Variants in EYA1 observed in about 807,000 individuals in gnomAD.
EYA1 encodes the protein EYA transcriptional coactivator and phosphatase 1, also known as protein phosphatase EYA1.
EYA1 carries 16 observed loss-of-function variants against 82.0 expected under a neutral mutation model. That is an observed-to-expected ratio of 0.20 (90% CI 0.13 to 0.30). EYA1 has a LOEUF of 0.30. Among genes scored for constraint, EYA1 ranks in the 10% least tolerant of loss-of-function variants. The pLI is 1.00. For missense variants in EYA1, 633 were observed against 730.7 expected (o/e 0.87, Z 1.54); for synonymous variants, 261 against 264.4 (o/e 0.99, Z 0.12).
At chr8:71,228,446 G>A (rs1273902898) in intron 12 of EYA1, among the ~76,000 whole-genome samples, 9 of 149,272 alleles carry the variant, frequency 6.0e-5, no homozygotes, top group African/African-American at 4.9e-5. Flanking sequence ...TTGGCTGCCC[G>A]AAAGGAAAAA....
intron 2 of EYA1, among the ~76,000 whole-genome samples, chr8:71,452,168 A>G (rs1361760473): frequency 6.6e-6 from 1 of 152,188 alleles, no homozygotes; most frequent in Non-Finnish European, 1.5e-5. Context: ...AGCCTCACTC[A>G]TTGCTAGCAC....
At chr8:71,422,440 G>C (rs1417904453) in intron 2 of EYA1, among the ~76,000 whole-genome samples, 1 of 152,208 alleles carries the variant, frequency 6.6e-6, no homozygotes, top group Non-Finnish European at 1.5e-5. Flanking sequence ...GGCATAGAAA[G>C]TGCAATGCCC....
chr8:71,317,071 C>A (rs1822002944), intron 7 of EYA1, among the ~76,000 whole-genome samples: 1 of 152,134 alleles, frequency 6.6e-6, no homozygotes, highest in African/African-American at 2.4e-5. Flanking sequence ...TTTGGGAGAT[C>A]ATTATTCAAC....
chr8:71,272,986 A>G (rs914433638), intron 9 of EYA1, among the ~76,000 whole-genome samples: 7 of 152,228 alleles, frequency 4.6e-5, no homozygotes, highest in Non-Finnish European at 1.0e-4. Context: ...ATCAGCCTCA[A>G]CTATACCAAT....
chr8:71,283,198 A>G (rs1055525091), intron 9 of EYA1, among the ~76,000 whole-genome samples: 2 of 152,132 alleles, frequency 1.3e-5, no homozygotes, highest in Non-Finnish European at 2.9e-5. Flanking sequence ...CAAAAAGCAC[A>G]GCCCCACCTC....
At chr8:71,423,025 A>G (rs1008795424) in intron 2 of EYA1, among the ~76,000 whole-genome samples, 2 of 152,230 alleles carry the variant, frequency 1.3e-5, no homozygotes, top group Non-Finnish European at 2.9e-5. Flanking sequence ...CAATGATCAC[A>G]AAAATAAGAA....
chr8:71,321,898 A>T lies in EYA1; in HGVS notation c.273-19T>A. 2 of 1,614,238 alleles carry T rather than the reference A, an allele frequency of 1.2e-6. No homozygotes were observed. Among genetic ancestry groups the T allele is most frequent in the Non-Finnish European group, 1.7e-6 (2 of 1,180,020 alleles). Reference sequence around the variant, plus strand: ...TGGTCTGCTATTTGTCAGAAATGACAGAAAATAGAAAGCCCATGCATTAGA... The same window carrying T: ...TGGTCTGCTATTTGTCAGAAATGACTGAAAATAGAAAGCCCATGCATTAGA... On this transcript the variant is annotated intron_variant, in intron 5 of 17. Transcript: ENST00000340726.
In EYA1 at chr8:71,321,439, T is replaced by C. The variant is rs570277562; in HGVS notation, c.418+295A>G. 8.5e-5 allele frequency among the ~76,000 whole-genome samples: 13 copies of C among 152,288 alleles called. No homozygotes were observed. In the South Asian group the frequency reaches 2.5e-3, roughly 29 times the overall value. ...TATCACAAATATGCACAAAAATATT[T>C]TGGATTCCAGAGCCCAGTGCTCAAA... is the stretch of plus-strand genomic sequence containing the variant. On this transcript the variant is annotated intron_variant, in intron 6 of 17. Transcript: ENST00000340726.
chr8:71,474,238 G>C (rs555512914), intron 2 of EYA1, among the ~76,000 whole-genome samples: 14 of 151,698 alleles, frequency 9.2e-5, no homozygotes, highest in Non-Finnish European at 1.9e-4. Flanking sequence ...AAAGAAAAAG[G>C]GAGAAGGAAG....
Position 71,321,810 on chromosome 8 carries a change from A to G in EYA1, c.342T>C (p.Phe114=). 2.5e-6 allele frequency: 4 copies of G among 1,614,254 alleles called. No individual in the cohort carries two copies. Among genetic ancestry groups the G allele is most frequent in the Non-Finnish European group, 3.4e-6 (4 of 1,180,052 alleles). The part of the protein sequence containing the change: ...QTMAAYGQTQ[F]TTGMQQATAY... ...CTGTAGCTTGTTGCATTCCTGTGGTAAACTGTGTTTGCCCATATGCAGCCA... is the reference window on the plus strand; with the variant it reads ...CTGTAGCTTGTTGCATTCCTGTGGTGAACTGTGTTTGCCCATATGCAGCCA... Residue 114 remains phenylalanine (F), a synonymous_variant, in exon 6 of 18, where the codon TTT becomes TTC. Transcript: ENST00000340726.
chr8:71,310,514 G>A (rs181701726), intron 7 of EYA1, among the ~76,000 whole-genome samples: 1 of 152,276 alleles, frequency 6.6e-6, no homozygotes, highest in East Asian at 1.9e-4. Flanking sequence ...ACATATGGTA[G>A]CTGGTTTTCT....
At position 71,383,789 on chromosome 8, in the gene EYA1, A is replaced by G. The variant is rs1828836696; in HGVS notation, c.34-27278T>C. On this transcript the variant is annotated intron_variant, in intron 2 of 18. Coordinates refer to the EYA1 transcript ENST00000643681. The stretch of plus-strand genomic sequence containing the variant: ...AGTGAAAATGAAGAAGATGCACAAT[A>G]GGATTTAACTTATTTAATGTTTTGT... 2.0e-5 allele frequency among the ~76,000 whole-genome samples: 3 copies of G among 152,274 alleles called. No homozygotes were observed. In the South Asian group the frequency reaches 6.2e-4, roughly 32 times the overall value.
intron 1 of EYA1, among the ~76,000 whole-genome samples, chr8:71,359,199 C>T (rs1004368304): frequency 4.9e-4 from 74 of 152,276 alleles, no homozygotes; most frequent in African/African-American, 1.6e-3. Flanking sequence ...GTAACTTTGA[C>T]TTCTGATTAG....
In EYA1 at chr8:71,510,277, C is replaced by G. The variant is rs73293180; in HGVS notation, c.33+25467G>C. Reference sequence around the variant, plus strand: ...CAGCTCACCACGATTGAAAACACAGCTGTCCAGCTGAACCCAGCCCTAAAG... The same window carrying G: ...CAGCTCACCACGATTGAAAACACAGGTGTCCAGCTGAACCCAGCCCTAAAG... On this transcript the variant is annotated intron_variant, in intron 2 of 18. Transcript: ENST00000643681. 5.6e-3 allele frequency among the ~76,000 whole-genome samples: 858 copies of G among 152,274 alleles called. 10 individuals carry two copies. The highest frequency in any genetic ancestry group is 0.02 in the African/African-American group (827 of 41,556).
intron 2 of EYA1, among the ~76,000 whole-genome samples, chr8:71,412,774 C>T (rs1830676587): frequency 6.6e-6 from 1 of 152,220 alleles, no homozygotes; most frequent in African/African-American, 2.4e-5. Context: ...TGGCCAACAT[C>T]AAGGGCATCT....
At chr8:71,373,413 G>A (rs1828192504) in intron 2 of EYA1, among the ~76,000 whole-genome samples, 1 of 151,966 alleles carries the variant, frequency 6.6e-6, no homozygotes, top group Non-Finnish European at 1.5e-5. Flanking sequence ...GAAATGCTTA[G>A]AAACAAATTT....
chr8:71,225,208 T>TC, intron 12 of EYA1: 1 of 456,242 alleles, frequency 2.2e-6, no homozygotes, highest in Non-Finnish European at 4.4e-6. Flanking sequence ...AAGCCCTCAC[T>TC]GTGCTTTCAA....
At chr8:71,347,367 G>A (rs1460535692) in intron 3 of EYA1, among the ~76,000 whole-genome samples, 4 of 152,008 alleles carry the variant, frequency 2.6e-5, no homozygotes, top group African/African-American at 7.3e-5. Flanking sequence ...CTGTTGCCCA[G>A]GCTGGAGTGC....
intron 3 of EYA1, among the ~76,000 whole-genome samples, chr8:71,334,917 C>G (rs2129047833): frequency 6.6e-6 from 1 of 152,328 alleles, no homozygotes; most frequent in African/African-American, 2.4e-5. Flanking sequence ...TACAGATTCT[C>G]TAAAGCAATC....
Sources: gnomAD v4.1 joint callset for allele counts (sites outside exome capture counted in the v4.1 genomes callset) on GRCh38, gnomAD v4.1.1 for gene constraint, MANE v1.5 for transcripts, NCBI Gene and HGNC (gene_info 2026-07-23, HGNC 2026-07-21) for gene names.